The following ZSCAN5A variants were observed in gnomAD, a reference collection of about 807,000 sequenced individuals.
The protein encoded by ZSCAN5A is zinc finger and SCAN domain-containing protein 5A.
A neutral mutation model predicts 23.7 loss-of-function variants in ZSCAN5A; 12 were observed. The ratio of observed to expected loss-of-function variants is 0.51; its 90% CI spans 0.32 to 0.82. ZSCAN5A has a LOEUF of 0.82. Ranked by LOEUF, ZSCAN5A falls within the 40% of genes least tolerant of loss-of-function variation. The pLI is 0.03. For synonymous variants in ZSCAN5A, 257 were observed against 239.9 expected, an observed-to-expected ratio of 1.07 and a Z score of -0.66; for missense variants, 597 against 617.9, an observed-to-expected ratio of 0.97 and a Z score of 0.36.
rs2033137116 is a variant in ZSCAN5A at position 56,221,402 on chromosome 19, A to AC, written c.*172dup. 1.5e-6 allele frequency: 1 copy of AC among 683,572 alleles called. No individual in the cohort carries two copies. Among genetic ancestry groups the AC allele is most frequent in the Non-Finnish European group, 2.3e-6 (1 of 434,882 alleles). The allele number at this position is 683,572 out of a possible 1,614,324, so 42.3% of individuals were successfully genotyped here. A position where few individuals can be genotyped will look rare whatever the true frequency, so the allele number is the denominator to read the frequency against. The stretch of plus-strand genomic sequence containing the variant: ...AACAATGGACATAATGAAACAGAAA[A>AC]CAAAGCTCAGTGGGGAGGACACATA... On this transcript the variant is annotated 3_prime_UTR_variant, in exon 6 of 6. Coordinates refer to ENST00000683990, the MANE Select transcript of ZSCAN5A (RefSeq NM_001322064.3).
intron 2 of ZSCAN5A, chr19:56,320,250 G>A: frequency 2.0e-6 from 1 of 512,102 alleles, no homozygotes; most frequent in African/African-American, 1.9e-5. Flanking sequence ...CCTGAGTAGG[G>A]CTTGCTCTGC....
intron 1 of ZSCAN5A, chr19:56,367,820 T>C (rs931905332): frequency 6.6e-6 from 1 of 151,792 alleles, no homozygotes; most frequent in Non-Finnish European, 1.5e-5. Context: ...GGGTCACATA[T>C]CAAATCACAT....
intron 2 of ZSCAN5A, among the ~76,000 whole-genome samples, chr19:56,257,529 A>G (rs2036789726): frequency 6.6e-6 from 1 of 151,880 alleles, no homozygotes; most frequent in Non-Finnish European, 1.5e-5. Context: ...GCCTCCCACC[A>G]CTGCCCATCT....
At chr19:56,327,379 G>A (rs1429338894) in intron 2 of ZSCAN5A, among the ~76,000 whole-genome samples, 1 of 151,720 alleles carries the variant, frequency 6.6e-6, no homozygotes, top group East Asian at 1.9e-4. Context: ...ACCTCCCAAA[G>A]TGGGGGATTA....
chr19:56,334,656 T>C (rs1296743373), intron 2 of ZSCAN5A, among the ~76,000 whole-genome samples: 1 of 152,222 alleles, frequency 6.6e-6, no homozygotes, highest in Non-Finnish European at 1.5e-5. Flanking sequence ...ATCTTTGCTA[T>C]TTCTCAGCCT....
intron 2 of ZSCAN5A, among the ~76,000 whole-genome samples, chr19:56,272,067 T>G (rs1457536359): frequency 1.3e-5 from 2 of 152,168 alleles, no homozygotes; most frequent in African/African-American, 4.8e-5. Context: ...ACTTTATAGA[T>G]CAAGAAAATG....
chr19:56,333,089 ATT>A (rs950540545), intron 2 of ZSCAN5A, among the ~76,000 whole-genome samples: 1 of 143,606 alleles, frequency 7.0e-6, no homozygotes. Flanking sequence ...TGTCTTTAAG[ATT>A]TTTTTTTTTT....
intron 2 of ZSCAN5A, chr19:56,343,269 A>G: frequency 1.2e-6 from 1 of 819,028 alleles, no homozygotes; most frequent in Non-Finnish European, 2.0e-6. Flanking sequence ...TTCCTCTGTG[A>G]GGAGGCTTTG....
Position 56,292,499 on chromosome 19 carries a change from G to T in ZSCAN5A, c.-128+20784C>A, listed in dbSNP as rs140648629. ...TTTTTTGTTTTGCTTTGTTGCCAAGGCTGGTCTTCAATTCCGGGGCTCAAG... is the reference window on the plus strand; with the variant it reads ...TTTTTTGTTTTGCTTTGTTGCCAAGTCTGGTCTTCAATTCCGGGGCTCAAG... On this transcript the variant is annotated intron_variant, in intron 2 of 5. Transcript: ENST00000683990. Among the ~76,000 whole-genome samples, 338 of 122,544 alleles carry T rather than the reference G, an allele frequency of 2.8e-3. 1 individual carries two copies. Among genetic ancestry groups the T allele is most frequent in the Middle Eastern group, 5.8e-3 (1 of 172 alleles). 80.4% of individuals were successfully genotyped at this position (122,544 alleles called of 152,430 possible).
At chr19:56,297,093 C>T (rs113356530) in intron 2 of ZSCAN5A, among the ~76,000 whole-genome samples, 4,285 of 150,988 alleles carry the variant, frequency 0.028, 69 homozygotes, top group Middle Eastern at 0.072. Context: ...TTTTAAAGGG[C>T]GATCAGGGAA....
chr19:56,353,029 A>G (rs562718871), intron 2 of ZSCAN5A, among the ~76,000 whole-genome samples: 1 of 152,360 alleles, frequency 6.6e-6, no homozygotes, highest in Non-Finnish European at 1.5e-5. Flanking sequence ...AGTCAGTAGC[A>G]TACTCAAGTG....
intron 2 of ZSCAN5A, among the ~76,000 whole-genome samples, chr19:56,294,514 C>T (rs968889769): frequency 1.3e-5 from 2 of 152,060 alleles, no homozygotes; most frequent in East Asian, 1.9e-4. Flanking sequence ...TTCTGTAAAG[C>T]GCTAAATAGT....
chr19:56,341,246 G>T (rs1293409394), intron 2 of ZSCAN5A: 1 of 152,194 alleles, frequency 6.6e-6, no homozygotes, highest in Non-Finnish European at 1.5e-5. Flanking sequence ...AAGCCTCCAA[G>T]AAATATGAGA....
At chr19:56,331,143 T>C (rs192057327) in intron 2 of ZSCAN5A, among the ~76,000 whole-genome samples, 2 of 152,316 alleles carry the variant, frequency 1.3e-5, no homozygotes, top group Admixed American at 1.3e-4. Flanking sequence ...CTGGGTTCTG[T>C]TTTTTGTTCC....
chr19:56,323,039 T>G (rs991300303), intron 2 of ZSCAN5A, among the ~76,000 whole-genome samples: 2 of 150,538 alleles, frequency 1.3e-5, no homozygotes, highest in African/African-American at 4.9e-5. Flanking sequence ...GGATTACAGG[T>G]GCCCGCCACC....
intron 2 of ZSCAN5A, among the ~76,000 whole-genome samples, chr19:56,343,829 A>G (rs2041612484): frequency 6.6e-6 from 1 of 152,222 alleles, no homozygotes; most frequent in African/African-American, 2.4e-5. Context: ...ATTAGACAAA[A>G]GAGTGTATAC....
intron 2 of ZSCAN5A, among the ~76,000 whole-genome samples, chr19:56,334,949 C>G (rs2041521187): frequency 6.6e-6 from 1 of 152,066 alleles, no homozygotes; most frequent in Admixed American, 6.6e-5. Context: ...GCTGAGATGG[C>G]TGAAATGACA....
intron 2 of ZSCAN5A, among the ~76,000 whole-genome samples, chr19:56,327,938 A>C (rs970421314): frequency 7.5e-5 from 11 of 146,686 alleles, no homozygotes; most frequent in African/African-American, 2.9e-4. Context: ...AAAATATGAT[A>C]GTATACATGA....
intron 2 of ZSCAN5A, among the ~76,000 whole-genome samples, chr19:56,300,238 T>A (rs979391592): frequency 4.0e-5 from 6 of 151,782 alleles, no homozygotes; most frequent in Admixed American, 2.6e-4. Flanking sequence ...AAAAAAAAAA[T>A]TTCACCCTTT....
Sources: allele counts gnomAD v4.1 joint callset (sites outside exome capture counted in the v4.1 genomes callset), GRCh38; gene constraint gnomAD v4.1.1; transcripts MANE v1.5; gene names NCBI Gene and HGNC (gene_info 2026-07-23, HGNC 2026-07-21).